EXOC6B: variants seen among roughly 807,000 people sequenced by gnomAD.
The protein encoded by EXOC6B is SEC15 homolog B.
EXOC6B carries 54 observed loss-of-function variants against 113.5 expected under a neutral mutation model. The observed-to-expected ratio is 0.48, with a 90% confidence interval of 0.38 to 0.60. EXOC6B has a LOEUF of 0.60. EXOC6B is among the 20% of genes least tolerant of loss of function. The probability of loss-of-function intolerance (pLI) is 0.00; values close to 1 mark genes in which losing one functional copy is unlikely to be tolerated. For synonymous variants in EXOC6B, 357 were observed against 339.0 expected (o/e 1.05, Z -0.58); for missense variants, 797 against 977.5 (o/e 0.82, Z 2.46).
intron 17 of EXOC6B, among the ~76,000 whole-genome samples, chr2:72,478,175 A>T (rs749627141): frequency 1.2e-4 from 18 of 152,336 alleles, no homozygotes; most frequent in Admixed American, 2.0e-4. Flanking sequence ...CCAGATGATT[A>T]CACAGTAGAT....
chr2:72,377,689 C>A (rs1053939811), intron 19 of EXOC6B, among the ~76,000 whole-genome samples: 1 of 152,018 alleles, frequency 6.6e-6, no homozygotes, highest in African/African-American at 2.4e-5. Flanking sequence ...AGAATGGTGG[C>A]TGCAAATGAA....
chr2:72,269,368 A>G (rs934710216), intron 20 of EXOC6B, among the ~76,000 whole-genome samples: 2 of 152,202 alleles, frequency 1.3e-5, no homozygotes, highest in Admixed American at 6.5e-5. Context: ...ACAGAAGTAA[A>G]AACTTAGCAC....
chr2:72,358,445 C>T (rs934828260), intron 19 of EXOC6B, among the ~76,000 whole-genome samples: 13 of 152,118 alleles, frequency 8.5e-5, no homozygotes, highest in Admixed American at 7.9e-4. Flanking sequence ...CAATGACCTC[C>T]AGCCCAGTAC....
intron 6 of EXOC6B, among the ~76,000 whole-genome samples, chr2:72,644,630 T>A (rs557754269): frequency 6.6e-6 from 1 of 152,276 alleles, no homozygotes; most frequent in African/African-American, 2.4e-5. Flanking sequence ...TGGGGGCCAA[T>A]AGTCAGCATT....
At chr2:72,409,036 C>T (rs1280771591) in intron 18 of EXOC6B, among the ~76,000 whole-genome samples, 1 of 152,020 alleles carries the variant, frequency 6.6e-6, no homozygotes, top group Non-Finnish European at 1.5e-5. Flanking sequence ...AACAAACAAC[C>T]CCATCAACAA....
intron 6 of EXOC6B, among the ~76,000 whole-genome samples, chr2:72,695,004 C>G (rs1279796558): frequency 6.6e-6 from 1 of 152,128 alleles, no homozygotes; most frequent in African/African-American, 2.4e-5. Flanking sequence ...ACATACCATC[C>G]CAGCCGCTAC....
At chr2:72,611,208 C>CA (rs1671052230) in intron 6 of EXOC6B, among the ~76,000 whole-genome samples, 1 of 151,832 alleles carries the variant, frequency 6.6e-6, no homozygotes, top group Non-Finnish European at 1.5e-5. Context: ...CTAAAAAATA[C>CA]AAAAAATTAG....
At chr2:72,729,224 A>C (rs1391522843) in intron 5 of EXOC6B, among the ~76,000 whole-genome samples, 1 of 152,052 alleles carries the variant, frequency 6.6e-6, no homozygotes, top group Non-Finnish European at 1.5e-5. Context: ...CAGGGGAGTA[A>C]GGAAAGGAAT....
intron 20 of EXOC6B, among the ~76,000 whole-genome samples, chr2:72,228,309 C>T (rs1208370784): frequency 6.6e-6 from 1 of 151,922 alleles, no homozygotes; most frequent in African/African-American, 2.4e-5. Context: ...GGTACATGTG[C>T]ACAACGTGCA....
intron 6 of EXOC6B, among the ~76,000 whole-genome samples, chr2:72,700,263 C>CACACACACACACAG (rs1678219594): frequency 6.6e-6 from 1 of 151,672 alleles, no homozygotes; most frequent in African/African-American, 2.4e-5. Flanking sequence ...CACACACACA[C>CACACACACACACAG]ACACACACAA....
chr2:72,386,660 G>A (rs1174350757), intron 18 of EXOC6B, among the ~76,000 whole-genome samples: 1 of 152,216 alleles, frequency 6.6e-6, no homozygotes, highest in Non-Finnish European at 1.5e-5. Flanking sequence ...GCTTTCATGT[G>A]TTAAGTGTGT....
At chr2:72,653,796 T>C (rs2104415201) in intron 6 of EXOC6B, among the ~76,000 whole-genome samples, 1 of 152,006 alleles carries the variant, frequency 6.6e-6, no homozygotes, top group East Asian at 1.9e-4. Flanking sequence ...CCCATATATA[T>C]GCTTCATTGG....
intron 8 of EXOC6B, among the ~76,000 whole-genome samples, chr2:72,516,914 T>TA (rs544146838): frequency 2.0e-5 from 3 of 152,268 alleles, no homozygotes; most frequent in African/African-American, 4.8e-5. Flanking sequence ...CCTGCCCACC[T>TA]AAAAAAAGTA....
At chr2:72,218,061 T>C (rs1233031393) in intron 20 of EXOC6B, among the ~76,000 whole-genome samples, 1 of 152,182 alleles carries the variant, frequency 6.6e-6, no homozygotes, top group African/African-American at 2.4e-5. Context: ...GAAGGGCTCT[T>C]TGGAAAAAGG....
intron 6 of EXOC6B, among the ~76,000 whole-genome samples, chr2:72,697,431 A>T (rs1573640659): frequency 2.0e-5 from 3 of 152,112 alleles, no homozygotes; most frequent in African/African-American, 7.2e-5. Flanking sequence ...CCTGCCTGTA[A>T]TCCCAGAACT....
chr2:72,496,601 A>C lies in EXOC6B; in HGVS notation c.1338-42T>G, dbSNP rs145555079. 38 of 1,264,098 alleles carry C rather than the reference A, an allele frequency of 3.0e-5. No homozygotes were observed. The Middle Eastern group carries it at 5.5e-4, about 18-fold the overall frequency. The allele number at this position is 1,264,098 out of a possible 1,614,324, so 78.3% of individuals were successfully genotyped here. A position where few individuals can be genotyped will look rare whatever the true frequency, so the allele number is the denominator to read the frequency against. On this transcript the variant is annotated intron_variant, in intron 13 of 21. Transcript: ENST00000272427. ...AGACAAAGGGAAGGGAAGGATAGACAAAGTGGGGGGGTAGGGGAGGGGAAC... is the reference window on the plus strand; with the variant it reads ...AGACAAAGGGAAGGGAAGGATAGACCAAGTGGGGGGGTAGGGGAGGGGAAC...
At chr2:72,637,414 G>A (rs1433501766) in intron 6 of EXOC6B, among the ~76,000 whole-genome samples, 1 of 151,324 alleles carries the variant, frequency 6.6e-6, no homozygotes, top group African/African-American at 2.4e-5. Flanking sequence ...CATTTATGAG[G>A]AACTTAAACA....
chr2:72,786,512 A>G lies in EXOC6B; in HGVS notation c.113+39286T>C, dbSNP rs1053180241. 4.6e-5 allele frequency among the ~76,000 whole-genome samples: 7 copies of G among 152,362 alleles called. 1 individual carries two copies. Among genetic ancestry groups the G allele is most frequent in the Admixed American group, 4.6e-4 (7 of 15,308 alleles). On this transcript the variant is annotated intron_variant, in intron 1 of 21. Coordinates refer to ENST00000272427, the MANE Select transcript of EXOC6B (RefSeq NM_015189.3). ...ATGTTGATGATTTTTATAAAATGCTATGAGAACTAGGATCAAGAAAATAAT... is the reference window on the plus strand; with the variant it reads ...ATGTTGATGATTTTTATAAAATGCTGTGAGAACTAGGATCAAGAAAATAAT...
At chr2:72,179,827 T>C (rs971856690) in intron 21 of EXOC6B, among the ~76,000 whole-genome samples, 3 of 152,198 alleles carry the variant, frequency 2.0e-5, no homozygotes, top group Admixed American at 2.0e-4. Context: ...ATAGAATGTC[T>C]AGGATCCACT....
Sources: allele counts gnomAD v4.1 joint callset (sites outside exome capture counted in the v4.1 genomes callset), GRCh38; gene constraint gnomAD v4.1.1; transcripts MANE v1.5; gene names NCBI Gene and HGNC (gene_info 2026-07-23, HGNC 2026-07-21).